ACSM6: variants seen among roughly 807,000 people sequenced by gnomAD.
ACSM6 encodes acyl-CoA synthetase medium chain family member 6.
A neutral mutation model predicts 51.1 loss-of-function variants in ACSM6; 35 were observed. The observed-to-expected ratio is 0.69, with a 90% CI of 0.52 to 0.91. ACSM6 has a LOEUF of 0.91. Among genes scored for constraint, ACSM6 ranks in the 40% least tolerant of loss-of-function variants. The pLI is 0.00. For synonymous variants in ACSM6, 172 were observed against 207.3 expected, an observed-to-expected ratio of 0.83 and a Z score of 1.46; for missense variants, 509 against 584.1, an observed-to-expected ratio of 0.87 and a Z score of 1.32.
intron 4 of ACSM6, among the ~76,000 whole-genome samples, chr10:95,208,860 A>C (rs961803461): frequency 7.3e-5 from 11 of 150,314 alleles, no homozygotes; most frequent in African/African-American, 2.7e-4. Flanking sequence ...CGGATAAGGC[A>C]AGACTACTAA....
Position 95,219,984 on chromosome 10 carries a change from A to C in ACSM6, c.1200+13A>C. On this transcript the variant is annotated intron_variant, in intron 9 of 10. Coordinates refer to ENST00000341686, the Ensembl canonical transcript of ACSM6. The stretch of plus-strand genomic sequence containing the variant: ...TTATATTGTCCAGGTAGGAGATCAT[A>C]GTAATGATTATGACAGATATTATTA... 1 of 1,579,360 alleles carries C rather than the reference A, an allele frequency of 6.3e-7. No individual in the cohort carries two copies. Among genetic ancestry groups the C allele is most frequent in the Non-Finnish European group, 8.7e-7 (1 of 1,149,596 alleles).
intron 9 of ACSM6, among the ~76,000 whole-genome samples, chr10:95,224,321 G>A (rs2035019311): frequency 6.6e-6 from 1 of 152,188 alleles, no homozygotes; most frequent in African/African-American, 2.4e-5. Context: ...TCAAAATTGA[G>A]CTAGCATCTC....
exon 10 of ACSM6, chr10:95,225,370 T>C: frequency 1.9e-6 from 3 of 1,550,800 alleles, no homozygotes; most frequent in Non-Finnish European, 2.6e-6. Flanking sequence ...ACCAACCTGC[T>C]TCTCTGTACT....
intron 2 of ACSM6, among the ~76,000 whole-genome samples, chr10:95,198,664 A>T (rs1043979566): frequency 6.3e-5 from 9 of 141,920 alleles, no homozygotes; most frequent in East Asian, 4.1e-4. Context: ...AAAAAAAAAA[A>T]TTACTTCCAT....
intron 2 of ACSM6, among the ~76,000 whole-genome samples, chr10:95,200,520 G>A (rs562812479): frequency 4.7e-4 from 71 of 151,040 alleles, no homozygotes; most frequent in African/African-American, 1.6e-3. Context: ...AGAGGAAGAG[G>A]AAGAATAGGA....
At chr10:95,207,068 G>C (rs1044433415) in intron 3 of ACSM6, 140 bp from the exon 4 acceptor site, 2 of 725,166 alleles carry the variant, frequency 2.8e-6, no homozygotes, top group Non-Finnish European at 4.6e-6. Context: ...AGTCGCCATC[G>C]TGTTACTGAC....
At chr10:95,225,441 G>A (rs489807) in intron 10 of ACSM6, 50 bp downstream of exon 10, 679,264 of 1,259,196 alleles carry the variant, frequency 0.54, 189,820 homozygotes, top group Middle Eastern at 0.63. Context: ...GCTACTAATC[G>A]TAGTGCCATT....
chr10:95,197,226 G>A (rs2034737502), intron 2 of ACSM6, among the ~76,000 whole-genome samples: 1 of 152,172 alleles, frequency 6.6e-6, no homozygotes, highest in South Asian at 2.1e-4. Context: ...ACATCTGTGG[G>A]TATTTCTAGT....
intron 5 of ACSM6, 59 bp downstream of exon 5, chr10:95,210,852 G>T (rs2133382042): frequency 6.5e-7 from 1 of 1,550,080 alleles, no homozygotes; most frequent in East Asian, 2.3e-5. Flanking sequence ...GGTAAAGGGA[G>T]CTTCATGGGA....
intron 10 of ACSM6, among the ~76,000 whole-genome samples, chr10:95,226,716 T>C (rs1206850577): frequency 6.6e-6 from 1 of 152,226 alleles, no homozygotes; most frequent in Non-Finnish European, 1.5e-5. Context: ...TAACTACTTT[T>C]AAAATATTTA....
chr10:95,201,466 G>A (rs925296166), intron 2 of ACSM6: 15 of 455,482 alleles, frequency 3.3e-5, no homozygotes, highest in Middle Eastern at 3.4e-4. Context: ...CTCCATCCAT[G>A]TTGCTGCAAA....
At chr10:95,200,762 A>G (rs2034787094) in intron 2 of ACSM6, among the ~76,000 whole-genome samples, 1 of 151,662 alleles carries the variant, frequency 6.6e-6, no homozygotes, top group Non-Finnish European at 1.5e-5. Context: ...TTAAGTTCAG[A>G]AGGTAGGAGA....
At chr10:95,220,360 A>G (rs2034985613) in intron 9 of ACSM6, among the ~76,000 whole-genome samples, 1 of 152,234 alleles carries the variant, frequency 6.6e-6, no homozygotes, top group African/African-American at 2.4e-5. Context: ...CTAAGCCACT[A>G]GTCAGCTGCT....
intron 5 of ACSM6, among the ~76,000 whole-genome samples, chr10:95,211,421 C>G (rs944181965): frequency 6.6e-6 from 1 of 152,194 alleles, no homozygotes; most frequent in African/African-American, 2.4e-5. Context: ...TGTGTTGTTA[C>G]TCCACCCTCA....
intron 9 of ACSM6, among the ~76,000 whole-genome samples, chr10:95,224,606 G>T (rs1449018584): frequency 6.6e-6 from 1 of 151,898 alleles, no homozygotes; most frequent in Non-Finnish European, 1.5e-5. Flanking sequence ...CTCCATGTTG[G>T]TCAGGCTGGT....
intron 2 of ACSM6, among the ~76,000 whole-genome samples, chr10:95,199,641 A>G (rs1375923624): frequency 6.6e-6 from 1 of 152,152 alleles, no homozygotes; most frequent in Non-Finnish European, 1.5e-5. Flanking sequence ...CAATGAACTC[A>G]AACAAATTCA....
chr10:95,210,688 G>T lies in ACSM6; in HGVS notation c.650G>T (p.Ser217Ile). The change falls in exon 5 of 11, where the codon AGC becomes ATC. Residue 217 changes from serine (S) to isoleucine (I), a missense_variant. By Grantham distance (142) the Ser-to-Ile change is moderately radical (BLOSUM62 -2). Transcript: ENST00000341686. ...AAGCAGACCTACATGAGGACCAAAAGCCAAGATCCAATGGCCATATTCTTC... is the reference window on the plus strand; with the variant it reads ...AAGCAGACCTACATGAGGACCAAAATCCAAGATCCAATGGCCATATTCTTC... The T allele has an allele frequency of 1.9e-6, 3 of 1,613,942 alleles. No homozygotes were observed. The East Asian group carries it at 6.7e-5, about 36-fold the overall frequency.
At chr10:95,213,266 T>G (rs1422406728) in intron 7 of ACSM6, among the ~76,000 whole-genome samples, 2 of 152,172 alleles carry the variant, frequency 1.3e-5, no homozygotes, top group African/African-American at 4.8e-5. Flanking sequence ...TATTAACCCA[T>G]TTCCCATTTT....
chr10:95,204,485 T>A (rs892518838), intron 3 of ACSM6, among the ~76,000 whole-genome samples: 1 of 151,862 alleles, frequency 6.6e-6, no homozygotes, highest in Non-Finnish European at 1.5e-5. Context: ...ACCCGAGAGG[T>A]GGAGTTTATA....
Sources: allele counts gnomAD v4.1 joint callset (sites outside exome capture counted in the v4.1 genomes callset), GRCh38; gene constraint gnomAD v4.1.1; transcripts MANE v1.5; gene names NCBI Gene and HGNC (gene_info 2026-07-23, HGNC 2026-07-21).